The following CACNA2D3 variants were observed in gnomAD, a reference collection of about 807,000 sequenced individuals.
CACNA2D3 encodes the protein calcium voltage-gated channel auxiliary subunit alpha2delta 3.
A neutral mutation model predicts 160.6 loss-of-function variants in CACNA2D3; 60 were observed. The observed-to-expected ratio is 0.37, with a 90% CI of 0.30 to 0.46. The LOEUF is 0.46. Ranked by LOEUF, CACNA2D3 falls within the 20% of genes least tolerant of loss-of-function variation. The pLI is 1.00. For missense variants in CACNA2D3, 1,205 were observed against 1,365.0 expected (o/e 0.88, Z 1.85); for synonymous variants, 558 against 492.9 (o/e 1.13, Z -1.75).
intron 13 of CACNA2D3, among the ~76,000 whole-genome samples, chr3:54,785,136 G>C (rs1702611722): frequency 6.6e-6 from 1 of 152,192 alleles, no homozygotes; most frequent in South Asian, 2.1e-4. Context: ...TTCCCACATG[G>C]GATTGGTTGG....
intron 12 of CACNA2D3, among the ~76,000 whole-genome samples, chr3:54,757,122 CCTT>C (rs1459562138): frequency 1.3e-5 from 2 of 152,308 alleles, no homozygotes; most frequent in South Asian, 2.1e-4. Context: ...GCCATGGTGA[CCTT>C]CTCTAACATT....
At chr3:54,626,139 A>G (rs1699094403) in intron 9 of CACNA2D3, 1 of 639,606 alleles carries the variant, frequency 1.6e-6, no homozygotes. Context: ...ATCCATTTCA[A>G]TAGAAAAAGC....
intron 2 of CACNA2D3, among the ~76,000 whole-genome samples, chr3:54,316,001 AAAAT>A (rs1703851558): frequency 6.6e-6 from 1 of 152,234 alleles, no homozygotes; most frequent in Non-Finnish European, 1.5e-5. Flanking sequence ...AGAAAGAAAA[AAAAT>A]CATTTGTGAT....
Position 54,704,005 on chromosome 3 carries a change from A to G in CACNA2D3, c.1168-48594A>G, listed in dbSNP as rs114396991. Among the ~76,000 whole-genome samples the G allele has an allele frequency of 3.5e-3, 529 of 152,322 alleles. 3 individuals are homozygous for G. Among genetic ancestry groups the G allele is most frequent in the African/African-American group, 0.012 (511 of 41,570 alleles). On this transcript the variant is annotated intron_variant, in intron 11 of 37. Transcript: ENST00000474759. ...TCTTTCTTTTCCTAAGCTCTCTTTA[A>G]TCTTGATCTTTGAAAAGCAAGTGGT...
At chr3:54,840,534 C>G (rs576602094) in intron 16 of CACNA2D3, among the ~76,000 whole-genome samples, 1 of 149,320 alleles carries the variant, frequency 6.7e-6, no homozygotes, top group African/African-American at 2.5e-5. Context: ...CCTCAGCTTC[C>G]TAAGTAGCTG....
At position 54,736,116 on chromosome 3, in the gene CACNA2D3, T is replaced by TATATATATAC. The variant is rs796503735; in HGVS notation, c.1168-16480_1168-16479insTATATACATA. On this transcript the variant is annotated intron_variant, in intron 11 of 37. Transcript: ENST00000474759. The stretch of plus-strand genomic sequence containing the variant: ...ATATATATACATATATATGTATATA[T>TATATATATAC]ATACATATATATATGTATATATATA... Among the ~76,000 whole-genome samples the TATATATATAC allele has an allele frequency of 2.2e-4, 7 of 32,192 alleles. 1 individual carries two copies. The highest frequency in any genetic ancestry group is 3.7e-4 in the Non-Finnish European group (6 of 16,282). 21.1% of individuals were successfully genotyped at this position (32,192 alleles called of 152,430 possible).
chr3:54,211,044 C>T (rs1320342928), intron 2 of CACNA2D3, among the ~76,000 whole-genome samples: 2 of 152,166 alleles, frequency 1.3e-5, no homozygotes, highest in Non-Finnish European at 2.9e-5. Context: ...GAAAGCTCAT[C>T]TCTCACCTCT....
chr3:54,960,076 C>CAAA (rs10716957), intron 27 of CACNA2D3, among the ~76,000 whole-genome samples: 2 of 82,028 alleles, frequency 2.4e-5, no homozygotes, highest in Non-Finnish European at 3.2e-5. Flanking sequence ...TCTGACAGGA[C>CAAA]AAAAAAAAAA....
chr3:54,566,111 G>A (rs1382306194), intron 6 of CACNA2D3, among the ~76,000 whole-genome samples: 1 of 152,134 alleles, frequency 6.6e-6, no homozygotes, highest in East Asian at 1.9e-4. Context: ...TTGCCTCTTT[G>A]GGGGAGCTGG....
chr3:54,818,914 G>C (rs552741900), intron 14 of CACNA2D3, among the ~76,000 whole-genome samples: 1 of 152,314 alleles, frequency 6.6e-6, no homozygotes, highest in Non-Finnish European at 1.5e-5. Context: ...TTTGAAGAAG[G>C]AGTTTGAACG....
intron 2 of CACNA2D3, among the ~76,000 whole-genome samples, chr3:54,210,480 G>T (rs987040096): frequency 6.6e-6 from 1 of 152,056 alleles, no homozygotes; most frequent in Non-Finnish European, 1.5e-5. Flanking sequence ...GCTCATACTG[G>T]TGTAAGAAAA....
At position 54,764,208 on chromosome 3, in the gene CACNA2D3, G is replaced by T; in HGVS notation, c.1247-10G>T. On this transcript the variant is annotated splice_polypyrimidine_tract_variant and intron_variant, in intron 12 of 37. Transcript: ENST00000474759. ...GTTACTAAACTTGGCCCTCCCTTGG[G>T]TTTTGACAGGATTTTTTACCCAGAT... is the stretch of plus-strand genomic sequence containing the variant. The T allele has an allele frequency of 6.2e-7, 1 of 1,613,166 alleles. No individual in the cohort carries two copies. The highest frequency in any genetic ancestry group is 8.5e-7 in the Non-Finnish European group (1 of 1,179,574).
Position 54,549,402 on chromosome 3 carries a change from T to C in CACNA2D3, c.545-13398T>C, listed in dbSNP as rs139191222. Among the ~76,000 whole-genome samples the C allele has an allele frequency of 8.3e-3, 1,268 of 152,304 alleles. 9 individuals are homozygous for C. Among genetic ancestry groups the C allele is most frequent in the Non-Finnish European group, 0.013 (894 of 68,022 alleles). On this transcript the variant is annotated intron_variant, in intron 5 of 37. Transcript: ENST00000474759. Reference sequence around the variant, plus strand: ...CGGAACTTGCAGTGAGCCGAGATCGTGCCACTGCAGTCTGGCCTGGGCGAA... The same window carrying C: ...CGGAACTTGCAGTGAGCCGAGATCGCGCCACTGCAGTCTGGCCTGGGCGAA...
chr3:54,393,520 A>G (rs1009100725), intron 4 of CACNA2D3, among the ~76,000 whole-genome samples: 52 of 152,170 alleles, frequency 3.4e-4, no homozygotes, highest in African/African-American at 1.3e-3. Flanking sequence ...CTGCTGCTAC[A>G]TGCTACCCCA....
chr3:54,327,372 A>G (rs1704140515), intron 3 of CACNA2D3, among the ~76,000 whole-genome samples: 1 of 152,200 alleles, frequency 6.6e-6, no homozygotes, highest in Non-Finnish European at 1.5e-5. Context: ...TCAGCCTCAC[A>G]TCATTGAAGT....
intron 11 of CACNA2D3, among the ~76,000 whole-genome samples, chr3:54,744,019 C>T (rs1701702476): frequency 6.6e-6 from 1 of 152,194 alleles, no homozygotes; most frequent in Non-Finnish European, 1.5e-5. Flanking sequence ...TGTGGTCATG[C>T]AAAGGCTTAA....
intron 4 of CACNA2D3, among the ~76,000 whole-genome samples, chr3:54,492,155 G>C (rs968103468): frequency 3.9e-5 from 6 of 152,170 alleles, no homozygotes; most frequent in Non-Finnish European, 7.3e-5. Context: ...TTCCCTGGTG[G>C]CACCTCTATC....
At chr3:54,974,007 G>A (rs1010520321) in intron 29 of CACNA2D3, among the ~76,000 whole-genome samples, 4 of 152,024 alleles carry the variant, frequency 2.6e-5, no homozygotes, top group Non-Finnish European at 5.9e-5. Context: ...CCCCACAAAT[G>A]AAGACAACAG....
At chr3:54,666,899 G>GC (rs1480993001) in intron 11 of CACNA2D3, among the ~76,000 whole-genome samples, 1 of 152,188 alleles carries the variant, frequency 6.6e-6, no homozygotes, top group Non-Finnish European at 1.5e-5. Context: ...GTCACCTGGG[G>GC]CAGCAGAATC....
Sources: gnomAD v4.1 joint callset for allele counts (sites outside exome capture counted in the v4.1 genomes callset) on GRCh38, gnomAD v4.1.1 for gene constraint, MANE v1.5 for transcripts, NCBI Gene and HGNC (gene_info 2026-07-23, HGNC 2026-07-21) for gene names.